TECRL: variants seen among roughly 807,000 people sequenced by gnomAD.
TECRL encodes trans-2,3-enoyl-CoA reductase-like.
A neutral mutation model predicts 52.8 loss-of-function variants in TECRL; 63 were observed. The ratio of observed to expected loss-of-function variants is 1.19; its 90% confidence interval spans 0.97 to 1.47. TECRL has a LOEUF of 1.47. TECRL is among the 40% of genes most tolerant of loss of function. The pLI is 0.00. For synonymous variants in TECRL, 164 were observed against 141.9 expected, an observed-to-expected ratio of 1.16 and a Z score of -1.10; for missense variants, 482 against 429.6, an observed-to-expected ratio of 1.12 and a Z score of -1.08.
chr4:64,338,111 C>T (rs1292677185), intron 2 of TECRL, among the ~76,000 whole-genome samples: 1 of 151,976 alleles, frequency 6.6e-6, no homozygotes, highest in Non-Finnish European at 1.5e-5. Flanking sequence ...AGAACAGAGC[C>T]CTCAGAAATA....
chr4:64,334,868 T>C (rs1160848355), intron 2 of TECRL, among the ~76,000 whole-genome samples: 1 of 152,220 alleles, frequency 6.6e-6, no homozygotes, highest in African/African-American at 2.4e-5. Flanking sequence ...GGTTAAAATT[T>C]GTAACCAGTG....
chr4:64,281,472 A>T lies in TECRL; in HGVS notation c.918+2T>A. 1 of 1,559,336 alleles carries T rather than the reference A, an allele frequency of 6.4e-7. No homozygotes were observed. Among genetic ancestry groups the T allele is most frequent in the Non-Finnish European group, 8.8e-7 (1 of 1,137,532 alleles). The stretch of plus-strand genomic sequence containing the variant: ...AAGCATTTACATACATAAATAACAT[A>T]CCTCATAGGTGTAGTTAGGACATGA... On this transcript the variant is annotated splice_donor_variant, in intron 10 of 11. Coordinates refer to ENST00000381210, the MANE Select transcript of TECRL (RefSeq NM_001010874.5). LOFTEE classifies it high-confidence loss of function.
At chr4:64,347,236 G>C (rs950483471) in intron 2 of TECRL, among the ~76,000 whole-genome samples, 2 of 152,080 alleles carry the variant, frequency 1.3e-5, no homozygotes, top group Non-Finnish European at 2.9e-5. Context: ...AGGAATCTTT[G>C]AGTCACATAA....
intron 7 of TECRL, among the ~76,000 whole-genome samples, chr4:64,301,313 C>A (rs2109976904): frequency 6.6e-6 from 1 of 151,012 alleles, no homozygotes; most frequent in East Asian, 1.9e-4. Context: ...ACTTACTTTT[C>A]TCTTAATGTT....
intron 3 of TECRL, among the ~76,000 whole-genome samples, chr4:64,323,012 C>A (rs572597509): frequency 1.9e-3 from 288 of 152,166 alleles, no homozygotes; most frequent in Non-Finnish European, 3.0e-3. Context: ...ATACCATCTA[C>A]CCAAAATTTA....
At chr4:64,355,581 G>T (rs1245588626) in intron 2 of TECRL, among the ~76,000 whole-genome samples, 1 of 151,888 alleles carries the variant, frequency 6.6e-6, no homozygotes, top group Non-Finnish European at 1.5e-5. Flanking sequence ...GGCAGATGAC[G>T]ATGTCAGGAG....
At chr4:64,348,188 G>C (rs892143455) in intron 2 of TECRL, among the ~76,000 whole-genome samples, 2 of 152,134 alleles carry the variant, frequency 1.3e-5, no homozygotes, top group African/African-American at 4.8e-5. Flanking sequence ...GGCTGAGGAG[G>C]TCTCAGGAAA....
chr4:64,409,215 AGAGGGCCCGCT>A lies in TECRL; in HGVS notation c.126_136del (p.Ala43LysfsTer15). 1 of 1,596,172 alleles carries A rather than the reference AGAGGGCCCGCT, an allele frequency of 6.3e-7. No homozygotes were observed. The highest frequency in any genetic ancestry group is 8.6e-7 in the Non-Finnish European group (1 of 1,169,326). On this transcript the variant is annotated frameshift_variant, in exon 1 of 12. Transcript: ENST00000381210. LOFTEE classifies it high-confidence loss of function. The stretch of plus-strand genomic sequence containing the variant: ...ATGTTTGACTGCTGGAGTTGGTCTT[AGAGGGCCCGCT>A]GAGAGTACAAGTTTTGACAAAAAGT...
At chr4:64,392,606 C>T (rs758387620) in intron 1 of TECRL, among the ~76,000 whole-genome samples, 3 of 151,752 alleles carry the variant, frequency 2.0e-5, no homozygotes, top group African/African-American at 4.8e-5. Flanking sequence ...TTTTTTTAGT[C>T]GAGGCTGATA....
At chr4:64,340,284 G>A (rs1325619725) in intron 2 of TECRL, among the ~76,000 whole-genome samples, 1 of 152,194 alleles carries the variant, frequency 6.6e-6, no homozygotes, top group African/African-American at 2.4e-5. Flanking sequence ...CCATGGAGCA[G>A]GCATGACAAT....
At chr4:64,379,063 A>G (rs1321249014) in intron 1 of TECRL, among the ~76,000 whole-genome samples, 1 of 152,078 alleles carries the variant, frequency 6.6e-6, no homozygotes, top group Non-Finnish European at 1.5e-5. Flanking sequence ...GTTTCTATTG[A>G]AAAAAATGTA....
chr4:64,304,052 TAACA>T (rs1298454439), intron 7 of TECRL, among the ~76,000 whole-genome samples: 1 of 151,376 alleles, frequency 6.6e-6, no homozygotes, highest in Non-Finnish European at 1.5e-5. Flanking sequence ...TTACAGTTAT[TAACA>T]AATAGTCAGT....
chr4:64,351,969 G>C (rs746436042), intron 2 of TECRL, among the ~76,000 whole-genome samples: 2 of 148,854 alleles, frequency 1.3e-5, no homozygotes, highest in Non-Finnish European at 3.0e-5. Context: ...AAGCATTTAT[G>C]TTAAGCATTT....
At chr4:64,360,998 G>T (rs1436986396) in intron 2 of TECRL, among the ~76,000 whole-genome samples, 1 of 152,134 alleles carries the variant, frequency 6.6e-6, no homozygotes, top group East Asian at 1.9e-4. Flanking sequence ...GGTGGCTTTA[G>T]CCTTTGTTAT....
At chr4:64,307,755 G>A (rs549925401) in intron 6 of TECRL, among the ~76,000 whole-genome samples, 3 of 152,262 alleles carry the variant, frequency 2.0e-5, no homozygotes, top group Non-Finnish European at 2.9e-5. Flanking sequence ...AGGATGATAT[G>A]TTACTCTTAA....
At chr4:64,354,213 T>A (rs17084701) in intron 2 of TECRL, among the ~76,000 whole-genome samples, 2,960 of 151,996 alleles carry the variant, frequency 0.019, 101 homozygotes, top group African/African-American at 0.067. Context: ...GTTGGAAAAA[T>A]TTTGATAAAA....
intron 2 of TECRL, among the ~76,000 whole-genome samples, chr4:64,372,134 T>G (rs1244520841): frequency 6.6e-6 from 1 of 151,786 alleles, no homozygotes; most frequent in East Asian, 1.9e-4. Flanking sequence ...TAGAGCATGA[T>G]ATAAAGGTAC....
Position 64,279,994 on chromosome 4 carries a change from A to G in TECRL, c.*78T>C. On this transcript the variant is annotated 3_prime_UTR_variant, in exon 12 of 12. Coordinates refer to ENST00000381210, the MANE Select transcript of TECRL (RefSeq NM_001010874.5). ...GTTGCTCATGAATTGTTGGAGTATA[A>G]TAGTTAACTATCCTTAACTAAGTCT... 4 of 1,486,654 alleles carry G rather than the reference A, an allele frequency of 2.7e-6. No homozygotes were observed. The East Asian group carries it at 9.8e-5, about 36-fold the overall frequency. The allele number at this position is 1,486,654 out of a possible 1,614,324, so 92.1% of individuals were successfully genotyped here.
chr4:64,278,409 A>T lies in TECRL; in HGVS notation c.*1663T>A. On this transcript the variant is annotated 3_prime_UTR_variant, in exon 12 of 12. Transcript: ENST00000381210. The stretch of plus-strand genomic sequence containing the variant: ...AATTATTGTCAAAATAATGAGATTC[A>T]AGTAATTTAAATGTCAAAACTTTAA... 4.1e-6 allele frequency: 1 copy of T among 244,654 alleles called. No individual in the cohort carries two copies. The highest frequency in any genetic ancestry group is 2.3e-5 in the African/African-American group (1 of 43,246). 15.2% of individuals were successfully genotyped at this position (244,654 alleles called of 1,614,324 possible).
Sources: gnomAD v4.1 joint callset for allele counts (sites outside exome capture counted in the v4.1 genomes callset) on GRCh38, gnomAD v4.1.1 for gene constraint, MANE v1.5 for transcripts, NCBI Gene and HGNC (gene_info 2026-07-23, HGNC 2026-07-21) for gene names.